Variants in IGLL5 observed in about 807,000 individuals in gnomAD.
IGLL5 encodes the protein immunoglobulin lambda-like polypeptide 5.
In IGLL5, 30 loss-of-function variants were observed where a neutral mutation model predicts 20.9. That is an observed-to-expected ratio of 1.44 (90% CI 1.07 to 1.95). IGLL5 has a LOEUF of 1.95. IGLL5 is among the 30% of genes most tolerant of loss of function. IGLL5 has a pLI of 0.00. For synonymous variants in IGLL5, 203 were observed against 117.3 expected (o/e 1.73, Z -4.72); for missense variants, 475 against 270.7 (o/e 1.75, Z -5.30).
intron 2 of IGLL5, among the ~76,000 whole-genome samples, chr22:22,894,277 C>G (rs552139770): frequency 1.3e-5 from 2 of 151,010 alleles, no homozygotes; most frequent in Admixed American, 6.6e-5. Context: ...GCCAATCCAG[C>G]CTGGGAGGGC....
At chr22:22,889,774 T>C (rs562853222) in intron 1 of IGLL5, among the ~76,000 whole-genome samples, 2 of 151,298 alleles carry the variant, frequency 1.3e-5, no homozygotes, top group African/African-American at 4.8e-5. Context: ...GGATTATTAT[T>C]AGTTTAGAGA....
In IGLL5 at chr22:22,891,229, A is replaced by ATTT. The variant is rs374829288; in HGVS notation, c.207-2464_207-2462dup. On this transcript the variant is annotated intron_variant, in intron 1 of 2. Transcript: ENST00000526893. The stretch of plus-strand genomic sequence containing the variant: ...GGTACTTTTGGTGTATTGGTGTTTT[A>ATTT]TTTTTTTTTCTTTACTTCCCCTGGA... Among the ~76,000 whole-genome samples, 240 of 149,274 alleles carry ATTT rather than the reference A, an allele frequency of 1.6e-3. 8 individuals carry two copies. The South Asian group carries it at 0.034, about 21-fold the overall frequency.
chr22:22,894,467 A>G (rs548870800), intron 2 of IGLL5, among the ~76,000 whole-genome samples: 2 of 151,344 alleles, frequency 1.3e-5, no homozygotes, highest in Admixed American at 6.6e-5. Flanking sequence ...CAGTCACCAG[A>G]AAGGAGACAG....
At position 22,888,270 on chromosome 22, in the gene IGLL5, A is replaced by G. The variant is rs185935425; in HGVS notation, c.206+11A>G. The G allele has an allele frequency of 1.2e-5, 18 of 1,546,404 alleles. No individual in the cohort carries two copies. In the East Asian group the frequency reaches 1.5e-4, roughly 13 times the overall value. ...GAGCCTGTGGGGCAGGTAAGGGGCA[A>G]GAGATTCCAGGGGATGTGGGGGTCC... On this transcript the variant is annotated intron_variant, in intron 1 of 2. Transcript: ENST00000526893.
At chr22:22,890,838 A>T (rs2067822553) in intron 1 of IGLL5, among the ~76,000 whole-genome samples, 1 of 150,912 alleles carries the variant, frequency 6.6e-6, no homozygotes, top group African/African-American at 2.4e-5. Context: ...TTATGGTTTT[A>T]TTGTGTATTT....
At chr22:22,888,629 T>C (rs548389448) in intron 1 of IGLL5, among the ~76,000 whole-genome samples, 4 of 150,900 alleles carry the variant, frequency 2.7e-5, no homozygotes, top group East Asian at 2.1e-4. Context: ...GGCCTGTTCC[T>C]CCCCCTCCTC....
At chr22:22,894,053 A>G (rs549020133) in intron 2 of IGLL5, among the ~76,000 whole-genome samples, 6 of 151,386 alleles carry the variant, frequency 4.0e-5, no homozygotes, top group Middle Eastern at 3.7e-3. Flanking sequence ...GGGATTGGGC[A>G]GGGTCAGGGC....
At chr22:22,889,987 T>A (rs968632047) in intron 1 of IGLL5, among the ~76,000 whole-genome samples, 2 of 151,132 alleles carry the variant, frequency 1.3e-5, no homozygotes, top group Admixed American at 6.6e-5. Context: ...CTGATGGGAT[T>A]TCACCTAATT....
chr22:22,889,595 T>G (rs189753947), intron 1 of IGLL5, among the ~76,000 whole-genome samples: 1 of 151,290 alleles, frequency 6.6e-6, no homozygotes, highest in Non-Finnish European at 1.5e-5. Context: ...GGGACTGTTG[T>G]TGTTTTTGTT....
At chr22:22,889,367 A>T (rs2067712029) in intron 1 of IGLL5, among the ~76,000 whole-genome samples, 2 of 151,142 alleles carry the variant, frequency 1.3e-5, no homozygotes, top group East Asian at 2.0e-4. Context: ...TAACCATTTT[A>T]GCAACAGGCG....
At chr22:22,894,448 CT>C in intron 2 of IGLL5, among the ~76,000 whole-genome samples, 1 of 151,532 alleles carries the variant, frequency 6.6e-6, no homozygotes, top group Non-Finnish European at 1.5e-5. Flanking sequence ...GAATCCAACC[CT>C]CCCAGGACAG....
At chr22:22,888,862 A>G (rs2067657558) in intron 1 of IGLL5, among the ~76,000 whole-genome samples, 2 of 151,372 alleles carry the variant, frequency 1.3e-5, no homozygotes, top group East Asian at 2.0e-4. Flanking sequence ...ATAAAGGGAG[A>G]GGGGATCTCC....
Position 22,889,096 on chromosome 22 carries a change from G to C in IGLL5, c.206+837G>C, listed in dbSNP as rs150367614. On this transcript the variant is annotated intron_variant, in intron 1 of 2. Transcript: ENST00000526893. ...TTAGGTAGATTGATTATCAGAGTCA[G>C]ATTTGTGTTTTTGGAAAAATCAGCA... Among the ~76,000 whole-genome samples, 6 of 151,312 alleles carry C rather than the reference G, an allele frequency of 4.0e-5. 1 individual carries two copies. The highest frequency in any genetic ancestry group is 4.1e-4 in the East Asian group (2 of 4,918).
Position 22,889,565 on chromosome 22 carries a change from A to G in IGLL5, c.206+1306A>G, listed in dbSNP as rs186085913. On this transcript the variant is annotated intron_variant, in intron 1 of 2. Transcript: ENST00000526893. ...CAAATATCTACCAGAAAGGGTGTGA[A>G]AAAACACAATTGTATTTGGGGGACT... is the stretch of plus-strand genomic sequence containing the variant. 3.3e-5 allele frequency among the ~76,000 whole-genome samples: 5 copies of G among 151,226 alleles called. 1 individual carries two copies. Among genetic ancestry groups the G allele is most frequent in the Middle Eastern group, 3.7e-3 (1 of 270 alleles).
chr22:22,893,636 C>A (rs1368094245), intron 1 of IGLL5, 64 bp from the exon 2 acceptor site: 1 of 1,006,068 alleles, frequency 9.9e-7, no homozygotes. Context: ...GCTGGCCACC[C>A]CCCTGCCTCA....
chr22:22,891,761 GAA>G (rs780398207), intron 1 of IGLL5, among the ~76,000 whole-genome samples: 7 of 151,230 alleles, frequency 4.6e-5, no homozygotes, highest in Non-Finnish European at 8.8e-5. Flanking sequence ...TAATTTTATT[GAA>G]GTTATAAATT....
chr22:22,889,236 A>G (rs1302667268), intron 1 of IGLL5, among the ~76,000 whole-genome samples: 1 of 150,994 alleles, frequency 6.6e-6, no homozygotes, highest in South Asian at 2.1e-4. Context: ...TGGGGAGGAC[A>G]CTCAGATTCA....
At chr22:22,894,036 C>T (rs1307502122) in intron 2 of IGLL5, among the ~76,000 whole-genome samples, 2 of 150,552 alleles carry the variant, frequency 1.3e-5, no homozygotes, top group Admixed American at 6.6e-5. Context: ...GTCCCGGGGC[C>T]TGAGCTGGGA....
chr22:22,895,235 G>C, intron 2 of IGLL5, 140 bp from the exon 3 acceptor site: 1 of 766,918 alleles, frequency 1.3e-6, no homozygotes, highest in Non-Finnish European at 2.2e-6. Flanking sequence ...TGGAAAGGAT[G>C]GGGAAAGAAG....
Sources: allele counts gnomAD v4.1 joint callset (sites outside exome capture counted in the v4.1 genomes callset), GRCh38; gene constraint gnomAD v4.1.1; transcripts MANE v1.5; gene names NCBI Gene and HGNC (gene_info 2026-07-23, HGNC 2026-07-21).